The following WDSUB1 variants were observed in gnomAD, a reference collection of about 807,000 sequenced individuals.
WDSUB1 encodes WD repeat, SAM and U-box domain-containing protein 1.
WDSUB1 carries 49 observed loss-of-function variants against 53.9 expected under a neutral mutation model. That is an observed-to-expected ratio of 0.91 (90% CI 0.72 to 1.15). WDSUB1 has a LOEUF of 1.15. Among genes scored for constraint, WDSUB1 ranks in the 50% most tolerant of loss-of-function variants. WDSUB1 has a pLI of 0.00. For missense variants in WDSUB1, 514 were observed against 562.0 expected (o/e 0.91, Z 0.86); for synonymous variants, 194 against 200.6 (o/e 0.97, Z 0.28).
intron 10 of WDSUB1, among the ~76,000 whole-genome samples, chr2:159,244,944 TTAAACATTTTTTTAAAATAA>T (rs1296229164): frequency 2.6e-5 from 4 of 152,042 alleles, no homozygotes; most frequent in African/African-American, 9.7e-5. Context: ...AAGTAAAAAT[TTAAACATTTTTTTAAAATAA>T]GCTACCTAAA....
At chr2:159,244,337 G>T (rs977853786) in intron 10 of WDSUB1, among the ~76,000 whole-genome samples, 8 of 150,556 alleles carry the variant, frequency 5.3e-5, no homozygotes, top group African/African-American at 2.0e-4. Flanking sequence ...GCTACTAACA[G>T]CCCTACATAT....
At chr2:159,236,406 A>G (rs1352032428) in intron 10 of WDSUB1, among the ~76,000 whole-genome samples, 1 of 152,206 alleles carries the variant, frequency 6.6e-6, no homozygotes, top group Non-Finnish European at 1.5e-5. Context: ...TGCCCAGAAG[A>G]GTAACATTAT....
intron 10 of WDSUB1, among the ~76,000 whole-genome samples, chr2:159,242,255 T>C (rs1394718958): frequency 4.8e-5 from 7 of 145,916 alleles, no homozygotes; most frequent in Non-Finnish European, 1.0e-4. Context: ...GACGGGGTTT[T>C]ACCGTGTTAG....
In WDSUB1 at chr2:159,257,786, C is replaced by A; in HGVS notation, c.924G>T (p.Trp308Cys). The A allele has an allele frequency of 6.2e-7, 1 of 1,614,110 alleles. No homozygotes were observed. Among genetic ancestry groups the A allele is most frequent in the Non-Finnish European group, 8.5e-7 (1 of 1,179,994 alleles). ...TGSMDKTVNI[W>C]QFDLETLCQA... ...GGCAAAGTGTTTCCAGGTCAAATTG[C>A]CAGATGTTCACTGTTTTGTCCATTG... The change falls in exon 8 of 11, where the codon TGG becomes TGT. Residue 308 changes from tryptophan to cysteine, a missense_variant. Transcript: ENST00000359774.
intron 1 of WDSUB1, among the ~76,000 whole-genome samples, chr2:159,284,268 T>C (rs2061740535): frequency 6.6e-6 from 1 of 152,236 alleles, no homozygotes. Context: ...AACTGTCAAA[T>C]AACTTCAAAC....
At chr2:159,284,368 G>A (rs2061742568) in intron 1 of WDSUB1, among the ~76,000 whole-genome samples, 1 of 152,084 alleles carries the variant, frequency 6.6e-6, no homozygotes, top group Admixed American at 6.5e-5. Flanking sequence ...CCTCACTCCA[G>A]ATCTGCTCAT....
intron 10 of WDSUB1, among the ~76,000 whole-genome samples, chr2:159,243,765 T>C (rs1477651477): frequency 6.6e-6 from 1 of 152,146 alleles, no homozygotes; most frequent in Non-Finnish European, 1.5e-5. Context: ...CCTAGGAATA[T>C]AGCCAACAGA....
intron 4 of WDSUB1, among the ~76,000 whole-genome samples, chr2:159,274,681 C>G (rs2061505027): frequency 8.8e-6 from 1 of 113,204 alleles, no homozygotes; most frequent in Non-Finnish European, 1.6e-5. Context: ...GGCCAACTAC[C>G]CACCTCCTCA....
At chr2:159,245,609 A>C (rs1169165123) in intron 10 of WDSUB1, among the ~76,000 whole-genome samples, 1 of 152,164 alleles carries the variant, frequency 6.6e-6, no homozygotes, top group East Asian at 1.9e-4. Flanking sequence ...CATAAAAATC[A>C]ATCAAACATC....
chr2:159,241,476 C>A (rs758605705), intron 10 of WDSUB1, among the ~76,000 whole-genome samples: 1 of 151,870 alleles, frequency 6.6e-6, no homozygotes, highest in Non-Finnish European at 1.5e-5. Context: ...GCAGGAGAAT[C>A]GCTTAAACCC....
intron 5 of WDSUB1, among the ~76,000 whole-genome samples, chr2:159,265,325 T>A (rs548732916): frequency 1.1e-3 from 155 of 141,502 alleles, no homozygotes; most frequent in Admixed American, 1.5e-3. Context: ...ACACTCACTC[T>A]CTCTCTTTTC....
At chr2:159,245,450 G>A (rs755422791) in intron 10 of WDSUB1, among the ~76,000 whole-genome samples, 15 of 151,404 alleles carry the variant, frequency 9.9e-5, no homozygotes, top group African/African-American at 2.4e-4. Context: ...TGAGAATCAC[G>A]TGAACCCGGG....
At chr2:159,273,730 T>A (rs7596828) in intron 4 of WDSUB1, among the ~76,000 whole-genome samples, 1 of 152,008 alleles carries the variant, frequency 6.6e-6, no homozygotes, top group South Asian at 2.1e-4. Context: ...TTATGAAAAG[T>A]TTTTAACTGC....
intron 3 of WDSUB1, 105 bp from the exon 4 acceptor site, chr2:159,275,743 A>G (rs2061527226): frequency 1.2e-6 from 1 of 830,288 alleles, no homozygotes; most frequent in South Asian, 2.2e-5. Context: ...CATTTAAACC[A>G]TGTTCACAAG....
At chr2:159,243,522 C>T (rs2060714260) in intron 10 of WDSUB1, among the ~76,000 whole-genome samples, 1 of 147,512 alleles carries the variant, frequency 6.8e-6, no homozygotes, top group African/African-American at 2.6e-5. Context: ...AAAAATGTTA[C>T]CAGTGGGGAA....
At chr2:159,236,331 CCAAAAATCTCTCTGCCA>C in intron 10 of WDSUB1, 141 bp from the exon 11 acceptor site, 2 of 813,696 alleles carry the variant, frequency 2.5e-6, no homozygotes, top group Non-Finnish European at 3.7e-6. Context: ...ACCAGCACCC[CCAAAAATCTCTCTGCCA>C]CAACACCTGA....
chr2:159,260,149 A>G (rs76639085), intron 5 of WDSUB1, among the ~76,000 whole-genome samples: 4,336 of 152,106 alleles, frequency 0.029, 192 homozygotes, highest in African/African-American at 0.094. Context: ...AAAAATACAG[A>G]AAAAAATTAT....
rs1489017331 is a variant in WDSUB1, at chr2:159,247,925, A to G, written c.1273+447T>C. On this transcript the variant is annotated intron_variant, in intron 10 of 10. Transcript: ENST00000359774. ...TATATATATAAATATATATATATAT[A>G]TAAATATATATATATATAAAATTTG... Among the ~76,000 whole-genome samples, 9 of 70,764 alleles carry G rather than the reference A, an allele frequency of 1.3e-4. 1 individual carries two copies. The highest frequency in any genetic ancestry group is 7.4e-4 in the African/African-American group (8 of 10,800). The allele number at this position is 70,764 out of a possible 152,430, so 46.4% of individuals were successfully genotyped here.
intron 5 of WDSUB1, among the ~76,000 whole-genome samples, chr2:159,265,166 C>A (rs1346552185): frequency 6.6e-6 from 1 of 151,748 alleles, no homozygotes; most frequent in Non-Finnish European, 1.5e-5. Context: ...GTTGCACACA[C>A]CTATAGTTCC....
Sources: gnomAD v4.1 joint callset for allele counts (sites outside exome capture counted in the v4.1 genomes callset) on GRCh38, gnomAD v4.1.1 for gene constraint, MANE v1.5 for transcripts, NCBI Gene and HGNC (gene_info 2026-07-23, HGNC 2026-07-21) for gene names.